Variants in INPP4B observed in about 807,000 individuals in gnomAD.
INPP4B encodes inositol polyphosphate-4-phosphatase type II B.
Under a neutral mutation model 122.5 loss-of-function variants are expected in INPP4B, and 55 were observed. The observed-to-expected ratio is 0.45, with a 90% CI of 0.36 to 0.56. INPP4B has a LOEUF of 0.56. Among genes scored for constraint, INPP4B ranks in the 20% least tolerant of loss-of-function variants. The pLI is 0.00. For missense variants in INPP4B, 1,000 were observed against 1,097.7 expected (o/e 0.91, Z 1.26); for synonymous variants, 403 against 388.7 (o/e 1.04, Z -0.43).
chr4:142,533,136 A>G (rs1194953405), intron 2 of INPP4B, among the ~76,000 whole-genome samples: 1 of 152,198 alleles, frequency 6.6e-6, no homozygotes, highest in East Asian at 1.9e-4. Flanking sequence ...CATTCATTTT[A>G]TCTTCGGAGG....
intron 2 of INPP4B, among the ~76,000 whole-genome samples, chr4:142,522,470 G>C (rs746456047): frequency 2.0e-5 from 3 of 151,202 alleles, no homozygotes; most frequent in Non-Finnish European, 4.4e-5. Context: ...TCAACCTCCT[G>C]GGCAGCTGGG....
chr4:142,032,945 T>C (rs1445224184), intron 25 of INPP4B, among the ~76,000 whole-genome samples: 1 of 151,884 alleles, frequency 6.6e-6, no homozygotes, highest in Non-Finnish European at 1.5e-5. Context: ...CTTTTTTTTT[T>C]CCAGAAAAGA....
intron 18 of INPP4B, among the ~76,000 whole-genome samples, chr4:142,125,412 AGATT>A (rs1440119751): frequency 6.6e-6 from 1 of 152,168 alleles, no homozygotes; most frequent in Non-Finnish European, 1.5e-5. Flanking sequence ...AACTCATGAA[AGATT>A]CTCCATTATC....
intron 5 of INPP4B, 40 bp downstream of exon 5, chr4:142,429,133 T>A (rs1394505581): frequency 8.2e-7 from 1 of 1,226,760 alleles, no homozygotes; most frequent in East Asian, 2.5e-5. Context: ...ACTACACAAA[T>A]TCTTATATTT....
chr4:142,306,516 G>T (rs1763425859), intron 8 of INPP4B, among the ~76,000 whole-genome samples: 1 of 152,128 alleles, frequency 6.6e-6, no homozygotes, highest in Non-Finnish European at 1.5e-5. Flanking sequence ...AGAATGAGAG[G>T]CTGGACAAAG....
chr4:142,277,251 T>C (rs1429316220), intron 9 of INPP4B, among the ~76,000 whole-genome samples: 1 of 151,464 alleles, frequency 6.6e-6, no homozygotes, highest in Admixed American at 6.6e-5. Flanking sequence ...GTCGGACATA[T>C]ACATTACAAA....
At chr4:142,377,806 T>C (rs1792538761) in intron 7 of INPP4B, among the ~76,000 whole-genome samples, 1 of 152,102 alleles carries the variant, frequency 6.6e-6, no homozygotes, top group South Asian at 2.1e-4. Flanking sequence ...TACTTATTCA[T>C]TACTCTTCAT....
intron 2 of INPP4B, among the ~76,000 whole-genome samples, chr4:142,682,209 T>C (rs1376002831): frequency 1.3e-5 from 2 of 151,892 alleles, no homozygotes; most frequent in African/African-American, 4.8e-5. Context: ...TATTTGACAC[T>C]TTTCCCCTCC....
chr4:142,796,868 A>ATGTGTGTGTGTG (rs34860975), intron 1 of INPP4B, among the ~76,000 whole-genome samples: 1,103 of 105,328 alleles, frequency 0.01, 24 homozygotes, highest in African/African-American at 0.034. Flanking sequence ...CGGAAAACAG[A>ATGTGTGTGTGTG]TGTGTGTGTG....
intron 2 of INPP4B, among the ~76,000 whole-genome samples, chr4:142,595,060 T>C (rs1738406965): frequency 6.6e-6 from 1 of 152,128 alleles, no homozygotes; most frequent in Admixed American, 6.5e-5. Context: ...TAATGACTTT[T>C]CCATTGTTTC....
chr4:142,413,169 T>G lies in INPP4B; in HGVS notation c.137-7845A>C, dbSNP rs183591341. ...ATTAAAAAATTAGAAAATGTGTGGG[T>G]TTTTTTAGTTTGTTTTCTTCTGTCT... On this transcript the variant is annotated intron_variant, in intron 5 of 25. Transcript: ENST00000262992. Among the ~76,000 whole-genome samples the G allele has an allele frequency of 3.3e-3, 496 of 152,172 alleles. 3 individuals are homozygous for G. The highest frequency in any genetic ancestry group is 0.024 in the East Asian group (123 of 5,174).
chr4:142,188,123 C>A (rs915272793), intron 15 of INPP4B, among the ~76,000 whole-genome samples: 2 of 151,964 alleles, frequency 1.3e-5, no homozygotes, highest in African/African-American at 2.4e-5. Flanking sequence ...CTTTACAAAA[C>A]TGGAAAATTA....
chr4:142,632,789 T>C (rs566739983), intron 2 of INPP4B, among the ~76,000 whole-genome samples: 11 of 151,908 alleles, frequency 7.2e-5, no homozygotes, highest in Non-Finnish European at 1.3e-4. Flanking sequence ...AAAAGATGCA[T>C]GTTGTGAGAT....
intron 2 of INPP4B, among the ~76,000 whole-genome samples, chr4:142,695,400 A>T (rs1760889482): frequency 6.6e-6 from 1 of 152,186 alleles, no homozygotes; most frequent in Non-Finnish European, 1.5e-5. Context: ...AAAAATAAAA[A>T]TTTTTAAATT....
chr4:142,076,788 T>C lies in INPP4B; in HGVS notation c.2642+5243A>G, dbSNP rs549706372. Among the ~76,000 whole-genome samples, 6 of 152,186 alleles carry C rather than the reference T, an allele frequency of 3.9e-5. 1 individual carries two copies. The East Asian group carries it at 1.2e-3, about 29-fold the overall frequency. Reference sequence around the variant, plus strand: ...AGCTGCAAGCTTCAATTACCTATGCTTACAATGCTTATACTTCTCTTTAAT... The same window carrying C: ...AGCTGCAAGCTTCAATTACCTATGCCTACAATGCTTATACTTCTCTTTAAT... On this transcript the variant is annotated intron_variant, in intron 25 of 25. Transcript: ENST00000262992.
intron 2 of INPP4B, among the ~76,000 whole-genome samples, chr4:142,491,090 A>G (rs1821813854): frequency 6.6e-6 from 1 of 152,140 alleles, no homozygotes; most frequent in Admixed American, 6.5e-5. Flanking sequence ...TCAGAAGTGA[A>G]TTTCTGGATC....
chr4:142,619,587 G>C (rs938035637), intron 2 of INPP4B, among the ~76,000 whole-genome samples: 2 of 151,988 alleles, frequency 1.3e-5, no homozygotes, highest in Non-Finnish European at 1.5e-5. Flanking sequence ...AGAGTAGAAT[G>C]GTTGTTGCCA....
At position 142,299,741 on chromosome 4, in the gene INPP4B, C is replaced by T. The variant is rs529654333; in HGVS notation, c.503+5717G>A. On this transcript the variant is annotated intron_variant, in intron 9 of 25. Transcript: ENST00000262992. ...TATTTAATATACAAAATATTTTAGA[C>T]GTGGAAAACTCTTACTGTTGTGGAG... is the stretch of plus-strand genomic sequence containing the variant. Among the ~76,000 whole-genome samples, 87 of 152,034 alleles carry T rather than the reference C, an allele frequency of 5.7e-4. 1 individual carries two copies. Among genetic ancestry groups the T allele is most frequent in the Middle Eastern group, 6.8e-3 (2 of 294 alleles).
intron 2 of INPP4B, among the ~76,000 whole-genome samples, chr4:142,543,152 A>G (rs1020470204): frequency 7.9e-5 from 12 of 152,290 alleles, no homozygotes; most frequent in African/African-American, 2.9e-4. Context: ...AAATTAAAGC[A>G]CAATATTCTT....
Sources: allele counts gnomAD v4.1 joint callset (sites outside exome capture counted in the v4.1 genomes callset), GRCh38; gene constraint gnomAD v4.1.1; transcripts MANE v1.5; gene names NCBI Gene and HGNC (gene_info 2026-07-23, HGNC 2026-07-21).